STXBP5L: variants seen among roughly 807,000 people sequenced by gnomAD.
STXBP5L encodes syntaxin binding protein 5L.
A neutral mutation model predicts 144.5 loss-of-function variants in STXBP5L; 65 were observed. That is an observed-to-expected ratio of 0.45 (90% confidence interval 0.37 to 0.55). The LOEUF is 0.55. Ranked by LOEUF, STXBP5L falls within the 20% of genes least tolerant of loss-of-function variation. The pLI is 0.00. For missense variants in STXBP5L, 1,298 were observed against 1,405.5 expected (o/e 0.92, Z 1.22); for synonymous variants, 505 against 469.6 (o/e 1.08, Z -0.97).
chr3:121,297,616 T>C (rs1309712620), intron 19 of STXBP5L, among the ~76,000 whole-genome samples: 6 of 152,044 alleles, frequency 3.9e-5, no homozygotes. Flanking sequence ...TAGCTGGGTG[T>C]GGTGGCTCAT....
At chr3:121,006,641 A>G (rs961638376) in intron 3 of STXBP5L, among the ~76,000 whole-genome samples, 5 of 152,162 alleles carry the variant, frequency 3.3e-5, no homozygotes, top group Non-Finnish European at 5.9e-5. Context: ...GTTTCTTCCT[A>G]GTATCAATGG....
At chr3:120,974,536 C>A (rs948754336) in intron 3 of STXBP5L, among the ~76,000 whole-genome samples, 2 of 151,954 alleles carry the variant, frequency 1.3e-5, no homozygotes, top group Non-Finnish European at 2.9e-5. Flanking sequence ...TGCAGAAGCT[C>A]TTTAGTTTAA....
chr3:121,053,676 G>C (rs890863420), intron 5 of STXBP5L, among the ~76,000 whole-genome samples: 1 of 152,140 alleles, frequency 6.6e-6, no homozygotes, highest in Non-Finnish European at 1.5e-5. Context: ...ACATAGGCAT[G>C]GGCAAGGACT....
At chr3:120,993,895 T>C (rs993784095) in intron 3 of STXBP5L, among the ~76,000 whole-genome samples, 1 of 152,012 alleles carries the variant, frequency 6.6e-6, no homozygotes, top group African/African-American at 2.4e-5. Context: ...GGTAGTATGG[T>C]CATTTAGATA....
intron 9 of STXBP5L, among the ~76,000 whole-genome samples, chr3:121,190,562 T>A (rs2047603317): frequency 6.6e-6 from 1 of 152,246 alleles, no homozygotes; most frequent in Non-Finnish European, 1.5e-5. Flanking sequence ...CTCAATGAGC[T>A]GTTGGGTACA....
intron 20 of STXBP5L, among the ~76,000 whole-genome samples, chr3:121,325,450 C>T (rs951684639): frequency 2.6e-5 from 4 of 151,628 alleles, no homozygotes; most frequent in South Asian, 4.2e-4. Context: ...CCCTAGTGTT[C>T]GTTAATTAAA....
In STXBP5L at chr3:121,217,476, C is replaced by T. The variant is rs191155312; in HGVS notation, c.957-5527C>T. Among the ~76,000 whole-genome samples, 497 of 152,120 alleles carry T rather than the reference C, an allele frequency of 3.3e-3. 4 individuals are homozygous for T. The highest frequency in any genetic ancestry group is 5.6e-3 in the Non-Finnish European group (381 of 67,990). On this transcript the variant is annotated intron_variant, in intron 10 of 26. Coordinates refer to ENST00000471454, the MANE Select transcript of STXBP5L (RefSeq NM_001308330.2). Reference sequence around the variant, plus strand: ...TTGCACTTCCCGGGTGAGGTGATGCCCCACCCTGCTTCTGCTCACCCTCCG... The same window carrying T: ...TTGCACTTCCCGGGTGAGGTGATGCTCCACCCTGCTTCTGCTCACCCTCCG...
intron 11 of STXBP5L, among the ~76,000 whole-genome samples, chr3:121,229,679 C>G (rs1016114674): frequency 2.0e-5 from 3 of 152,284 alleles, no homozygotes; most frequent in Non-Finnish European, 4.4e-5. Flanking sequence ...CCTCAGCCCC[C>G]CAAGTAGCTG....
chr3:121,347,500 A>T (rs1413085765), intron 20 of STXBP5L, among the ~76,000 whole-genome samples: 1 of 152,106 alleles, frequency 6.6e-6, no homozygotes, highest in Non-Finnish European at 1.5e-5. Context: ...GAAGAAAGTC[A>T]TTTGGTAACT....
At chr3:120,996,359 A>T (rs1226354465) in intron 3 of STXBP5L, among the ~76,000 whole-genome samples, 1 of 152,014 alleles carries the variant, frequency 6.6e-6, no homozygotes, top group South Asian at 2.1e-4. Context: ...TATAATGTAT[A>T]TTTAAGGTAT....
At chr3:121,262,376 T>C (rs1474500725) in intron 18 of STXBP5L, among the ~76,000 whole-genome samples, 1 of 152,234 alleles carries the variant, frequency 6.6e-6, no homozygotes, top group Non-Finnish European at 1.5e-5. Context: ...ACGCCTGTAA[T>C]CCCAGCACTT....
At chr3:121,119,725 A>C (rs1264312839) in intron 6 of STXBP5L, among the ~76,000 whole-genome samples, 2 of 151,334 alleles carry the variant, frequency 1.3e-5, no homozygotes, top group African/African-American at 4.8e-5. Context: ...TTAGGGAACA[A>C]GCCAGAAGAA....
chr3:121,124,310 A>G (rs573800424), intron 7 of STXBP5L, among the ~76,000 whole-genome samples: 1 of 151,954 alleles, frequency 6.6e-6, no homozygotes, highest in Non-Finnish European at 1.5e-5. Context: ...TTATTCTAGT[A>G]TATGAATTTT....
intron 9 of STXBP5L, among the ~76,000 whole-genome samples, chr3:121,193,282 A>G (rs1005037529): frequency 7.0e-6 from 1 of 143,242 alleles, no homozygotes. Flanking sequence ...ATATCGTCTC[A>G]CACCAGTTAG....
At chr3:121,371,031 TAAG>T (rs1418999645) in intron 20 of STXBP5L, among the ~76,000 whole-genome samples, 1 of 152,240 alleles carries the variant, frequency 6.6e-6, no homozygotes, top group Non-Finnish European at 1.5e-5. Context: ...TCAGCCCAGT[TAAG>T]AACTCTTGCT....
chr3:121,101,840 A>T (rs1348114495), intron 5 of STXBP5L, among the ~76,000 whole-genome samples: 4 of 151,934 alleles, frequency 2.6e-5, no homozygotes, highest in African/African-American at 9.7e-5. Flanking sequence ...AACCCTAAAG[A>T]CTCCACTGAA....
chr3:121,325,463 A>G (rs947004370), intron 20 of STXBP5L, among the ~76,000 whole-genome samples: 15 of 152,196 alleles, frequency 9.9e-5, no homozygotes, highest in African/African-American at 3.6e-4. Context: ...TAATTAAATG[A>G]GAAAAATTAA....
At chr3:121,323,733 T>C (rs1207476107) in intron 20 of STXBP5L, among the ~76,000 whole-genome samples, 9 of 141,570 alleles carry the variant, frequency 6.4e-5, no homozygotes, top group African/African-American at 1.5e-4. Context: ...TTGTTCATAC[T>C]TTTTTAAAGG....
chr3:121,352,465 C>T (rs1485941574), intron 20 of STXBP5L, among the ~76,000 whole-genome samples: 1 of 152,044 alleles, frequency 6.6e-6, no homozygotes, highest in Non-Finnish European at 1.5e-5. Context: ...GGAATTCACT[C>T]ATGATTTGGC....
Sources: gnomAD v4.1 joint callset for allele counts (sites outside exome capture counted in the v4.1 genomes callset) on GRCh38, gnomAD v4.1.1 for gene constraint, MANE v1.5 for transcripts, NCBI Gene and HGNC (gene_info 2026-07-23, HGNC 2026-07-21) for gene names.